The following BCAS4 variants were observed in gnomAD, a reference collection of about 807,000 sequenced individuals.
BCAS4 encodes the protein breast carcinoma-amplified sequence 4.
In BCAS4, 9 loss-of-function variants were observed where a neutral mutation model predicts 15.7. The observed-to-expected ratio is 0.57, with a 90% confidence interval of 0.34 to 1.00. BCAS4 has a LOEUF of 1.00. BCAS4 is among the 50% of genes least tolerant of loss of function. BCAS4 has a pLI of 0.02. For missense variants in BCAS4, 225 were observed against 239.1 expected (o/e 0.94, Z 0.39); for synonymous variants, 101 against 99.5 (o/e 1.02, Z -0.09).
chr20:50,844,419 C>T (rs2088518758), intron 4 of BCAS4, among the ~76,000 whole-genome samples: 1 of 152,064 alleles, frequency 6.6e-6, no homozygotes, highest in Non-Finnish European at 1.5e-5. Context: ...GCCTGGACAA[C>T]AGAACAAGAC....
intron 3 of BCAS4, among the ~76,000 whole-genome samples, chr20:50,832,296 C>T (rs1013338166): frequency 6.6e-6 from 1 of 151,626 alleles, no homozygotes; most frequent in African/African-American, 2.4e-5. Context: ...CTTGCTCTGT[C>T]CCCCAGGCTA....
At chr20:50,806,680 T>C (rs568990734) in intron 1 of BCAS4, among the ~76,000 whole-genome samples, 8 of 151,968 alleles carry the variant, frequency 5.3e-5, no homozygotes, top group African/African-American at 1.7e-4. Flanking sequence ...TGGACTTCTT[T>C]TTTTCTTAAA....
intron 2 of BCAS4, among the ~76,000 whole-genome samples, chr20:50,821,033 C>T (rs540515517): frequency 9.8e-5 from 15 of 152,298 alleles, no homozygotes; most frequent in African/African-American, 2.9e-4. Context: ...AAGCATCGGC[C>T]GCCATGTCAC....
At chr20:50,828,958 C>T (rs2088311050) in intron 2 of BCAS4, among the ~76,000 whole-genome samples, 2 of 152,194 alleles carry the variant, frequency 1.3e-5, no homozygotes, top group Admixed American at 6.5e-5. Context: ...GAAGGACCAT[C>T]GTCTTGCACC....
At chr20:50,819,749 C>T (rs76101928) in intron 2 of BCAS4, among the ~76,000 whole-genome samples, 2,677 of 152,176 alleles carry the variant, frequency 0.018, 67 homozygotes, top group African/African-American at 0.061. Context: ...CCTTTCTTTA[C>T]CACCACGCAT....
intron 2 of BCAS4, 31 bp downstream of exon 2, chr20:50,818,313 G>A (rs761304944): frequency 1.3e-6 from 2 of 1,599,802 alleles, no homozygotes; most frequent in Non-Finnish European, 1.7e-6. Context: ...CGTGGGTTTA[G>A]GCCCAGGCCA....
At chr20:50,795,568 C>T (rs116207530) in intron 1 of BCAS4, among the ~76,000 whole-genome samples, 5,021 of 145,756 alleles carry the variant, frequency 0.034, 101 homozygotes, top group African/African-American at 0.054. Context: ...CGCTGCGCTG[C>T]TGCAGCTCGG....
chr20:50,811,080 G>A (rs928380938), intron 1 of BCAS4, among the ~76,000 whole-genome samples: 3 of 152,164 alleles, frequency 2.0e-5, no homozygotes, highest in South Asian at 2.1e-4. Flanking sequence ...AAGGCCCTGC[G>A]GTGAGGCTGT....
intron 2 of BCAS4, among the ~76,000 whole-genome samples, chr20:50,827,543 T>A (rs1350075259): frequency 6.6e-6 from 1 of 152,254 alleles, no homozygotes; most frequent in East Asian, 1.9e-4. Context: ...ACTATGTTAA[T>A]TTTTTGTTGC....
intron 1 of BCAS4, among the ~76,000 whole-genome samples, chr20:50,808,770 C>A (rs2088024993): frequency 6.6e-6 from 1 of 152,104 alleles, no homozygotes; most frequent in Non-Finnish European, 1.5e-5. Context: ...TGAAGATTTT[C>A]TCCCACTCTG....
At chr20:50,865,475 T>C (rs185304014) in intron 4 of BCAS4, among the ~76,000 whole-genome samples, 129 of 152,270 alleles carry the variant, frequency 8.5e-4, no homozygotes, top group African/African-American at 3.1e-3. Flanking sequence ...CTGGGGCCAC[T>C]CCTCTGCTGG....
At chr20:50,852,530 C>T (rs370459682) in intron 4 of BCAS4, among the ~76,000 whole-genome samples, 7 of 152,034 alleles carry the variant, frequency 4.6e-5, no homozygotes, top group Non-Finnish European at 1.0e-4. Context: ...TACAGGTGCC[C>T]GCCACCATGA....
chr20:50,808,099 A>C (rs1212032155), intron 1 of BCAS4, among the ~76,000 whole-genome samples: 1 of 151,440 alleles, frequency 6.6e-6, no homozygotes, highest in African/African-American at 2.4e-5. Context: ...TTTTTAATAG[A>C]GATGGGGTTT....
chr20:50,868,001 G>T (rs1979441288), intron 4 of BCAS4, among the ~76,000 whole-genome samples: 1 of 152,208 alleles, frequency 6.6e-6, no homozygotes, highest in African/African-American at 2.4e-5. Flanking sequence ...CCTTGTTTTT[G>T]ATGACCTTGA....
intron 4 of BCAS4, among the ~76,000 whole-genome samples, chr20:50,847,173 G>A (rs948066253): frequency 8.6e-5 from 13 of 150,558 alleles, no homozygotes; most frequent in Admixed American, 6.6e-4. Flanking sequence ...TGCAACCTCC[G>A]CTTCCTGGGG....
intron 2 of BCAS4, among the ~76,000 whole-genome samples, chr20:50,823,988 T>C (rs190070956): frequency 2.0e-4 from 30 of 152,224 alleles, no homozygotes; most frequent in African/African-American, 7.2e-4. Flanking sequence ...TTATTAATAA[T>C]TTTTATTATA....
At chr20:50,861,472 C>T (rs1449888756) in intron 4 of BCAS4, among the ~76,000 whole-genome samples, 2 of 152,226 alleles carry the variant, frequency 1.3e-5, no homozygotes, top group Non-Finnish European at 2.9e-5. Flanking sequence ...TGCGGTGTTT[C>T]CCTGAAGGCG....
rs148031175 is a variant in BCAS4 at position 50,832,736 on chromosome 20, T to G, written c.264+2356T>G. 6.1e-3 allele frequency: 929 copies of G among 152,494 alleles called. 8 individuals carry two copies. Among genetic ancestry groups the G allele is most frequent in the African/African-American group, 0.021 (860 of 41,560 alleles). The allele number at this position is 152,494 out of a possible 1,614,324, so 9.4% of individuals were successfully genotyped here. On this transcript the variant is annotated intron_variant, in intron 3 of 4. Transcript: ENST00000371608. ...TCTAGCACTGCCTGCATTCCTCAGC[T>G]CGTGGCCCCTGCCTCCTCCTTCAAA...
At chr20:50,862,997 A>G (rs1979166262) in intron 4 of BCAS4, among the ~76,000 whole-genome samples, 1 of 151,898 alleles carries the variant, frequency 6.6e-6, no homozygotes, top group Admixed American at 6.6e-5. Context: ...TTCCAGGCTA[A>G]TTTTTGTATT....
Sources: allele counts gnomAD v4.1 joint callset (sites outside exome capture counted in the v4.1 genomes callset), GRCh38; gene constraint gnomAD v4.1.1; transcripts MANE v1.5; gene names NCBI Gene and HGNC (gene_info 2026-07-23, HGNC 2026-07-21).